COL4A5: variants seen among roughly 807,000 people sequenced by gnomAD.
COL4A5 encodes collagen type IV alpha 5 chain.
COL4A5 carries 26 observed loss-of-function variants against 130.2 expected under a neutral mutation model. The observed-to-expected ratio is 0.20, with a 90% CI of 0.15 to 0.28. COL4A5 has a LOEUF of 0.28. COL4A5 is among the 10% of genes least tolerant of loss of function. The pLI is 1.00. For missense variants in COL4A5, 1,131 were observed against 1,344.3 expected (o/e 0.84, Z 2.48); for synonymous variants, 496 against 439.6 (o/e 1.13, Z -1.60).
chrX:108,600,739 A>ACTTACAT (rs1310360285), intron 25 of COL4A5, among the ~76,000 whole-genome samples: 1 of 110,798 alleles, frequency 9.0e-6, no homozygotes, highest in Non-Finnish European at 1.9e-5. Context: ...ATGGAGGCTG[A>ACTTACAT]GAAATCCCAC....
chrX:108,503,696 A>G (rs2065100575), intron 1 of COL4A5, among the ~76,000 whole-genome samples: 1 of 112,020 alleles, frequency 8.9e-6, no homozygotes, highest in South Asian at 3.7e-4. Context: ...GAATATATTT[A>G]ACCAAAGAGG....
At chrX:108,647,976 G>A (rs973520503) in intron 36 of COL4A5, among the ~76,000 whole-genome samples, 5 of 111,151 alleles carry the variant, frequency 4.5e-5, no homozygotes, top group Non-Finnish European at 9.4e-5. Flanking sequence ...TGCTGGATTT[G>A]GTTTGCCAGT....
chrX:108,648,013 G>A (rs2147920919), intron 36 of COL4A5, among the ~76,000 whole-genome samples: 1 of 111,390 alleles, frequency 9.0e-6, no homozygotes, highest in Non-Finnish European at 1.9e-5. Context: ...TTGCATCAAT[G>A]TTCATCAAGG....
At chrX:108,563,976 G>A (rs781354226) in intron 4 of COL4A5, 50 bp downstream of exon 4, 1 of 1,016,724 alleles carries the variant, frequency 9.8e-7, no homozygotes, top group Admixed American at 2.2e-5. Context: ...GAAACAGATA[G>A]AGAACAAATG....
chrX:108,646,767 A>G (rs1164043835), intron 36 of COL4A5, among the ~76,000 whole-genome samples: 1 of 111,895 alleles, frequency 8.9e-6, no homozygotes, highest in Admixed American at 9.5e-5. Context: ...ATAACGTGTA[A>G]GGAAGGTATC....
intron 21 of COL4A5, 102 bp downstream of exon 21, chrX:108,591,746 T>G: frequency 1.6e-6 from 1 of 642,041 alleles, no homozygotes; most frequent in Non-Finnish European, 2.6e-6. Flanking sequence ...CTGACTCCCA[T>G]GGTCATACCC....
At chrX:108,667,583 G>A (rs771086577) in intron 40 of COL4A5, among the ~76,000 whole-genome samples, 7 of 108,341 alleles carry the variant, frequency 6.5e-5, no homozygotes, top group Admixed American at 9.8e-5. Context: ...ATGTGTGTGT[G>A]CACACACACA....
In COL4A5 at chrX:108,623,916, A is replaced by T. The variant is rs567244751; in HGVS notation, c.2918-320A>T. 7.2e-5 allele frequency among the ~76,000 whole-genome samples: 8 copies of T among 111,881 alleles called. No homozygotes were observed. The South Asian group carries it at 3.0e-3, about 42-fold the overall frequency. On this transcript the variant is annotated intron_variant, in intron 33 of 52. Transcript: ENST00000328300. ...TATACTTGACCTCTACTATAGGCTT[A>T]TTAAATATAGTCAGAATCTAAGAGA...
intron 29 of COL4A5, among the ~76,000 whole-genome samples, chrX:108,613,382 T>A (rs2066870709): frequency 8.9e-6 from 1 of 112,145 alleles, no homozygotes; most frequent in South Asian, 3.6e-4. Flanking sequence ...CATCCCTTGT[T>A]TTAGATGAAG....
chrX:108,675,820 T>C (rs1222092304), intron 43 of COL4A5, among the ~76,000 whole-genome samples: 2 of 111,979 alleles, frequency 1.8e-5, no homozygotes, highest in Non-Finnish European at 3.8e-5. Context: ...AAAAAGTCCT[T>C]CCATAGCTTC....
intron 1 of COL4A5, among the ~76,000 whole-genome samples, chrX:108,447,465 T>C (rs2064465471): frequency 1.8e-5 from 2 of 111,914 alleles, no homozygotes; most frequent in South Asian, 3.7e-4. Context: ...GCCCTATAGC[T>C]TGCGCAATTG....
At chrX:108,625,097 A>T (rs1053488860) in intron 34 of COL4A5, among the ~76,000 whole-genome samples, 3 of 112,060 alleles carry the variant, frequency 2.7e-5, no homozygotes, top group African/African-American at 6.5e-5. Context: ...TAAAATAAAA[A>T]AAGTTTAAGG....
At chrX:108,543,015 G>A (rs1207697237) in intron 2 of COL4A5, among the ~76,000 whole-genome samples, 15 of 110,994 alleles carry the variant, frequency 1.4e-4, no homozygotes, top group Non-Finnish European at 2.6e-4. Context: ...TTAGCCCTTT[G>A]TCAGATAATA....
At chrX:108,554,171 T>C (rs1297945920) in intron 2 of COL4A5, among the ~76,000 whole-genome samples, 2 of 111,530 alleles carry the variant, frequency 1.8e-5, no homozygotes, top group African/African-American at 6.5e-5. Context: ...TGATGATTTC[T>C]GTATTAGTCC....
chrX:108,554,070 A>C (rs1385283188), intron 2 of COL4A5, among the ~76,000 whole-genome samples: 1 of 111,465 alleles, frequency 9.0e-6, no homozygotes, highest in Non-Finnish European at 1.9e-5. Context: ...TGGGGTGGGT[A>C]GGAGTAGGGA....
intron 1 of COL4A5, among the ~76,000 whole-genome samples, chrX:108,526,587 CCCTCCCTCCTTTCTTTCTTTCTTT>C (rs1255191315): frequency 3.3e-5 from 2 of 60,515 alleles, no homozygotes; most frequent in African/African-American, 1.7e-4. Flanking sequence ...CTCCCTCCCT[CCCTCCCTCCTTTCTTTCTTTCTTT>C]CTTTCTTTCT....
rs1454925320 is a variant in COL4A5 at position 108,614,894 on chromosome X, G to A, written c.2396-17G>A. ...AGGTGTTGCTTTTAATATTTAAACT[G>A]TATTTATTTCTTAAAGGTGATGTTG... On this transcript the variant is annotated splice_polypyrimidine_tract_variant and intron_variant, in intron 29 of 52. Coordinates refer to ENST00000328300, the MANE Select transcript of COL4A5 (RefSeq NM_033380.3). 4 of 1,109,589 alleles carry A rather than the reference G, an allele frequency of 3.6e-6. No homozygotes were observed. In the Admixed American group the frequency reaches 8.7e-5, roughly 24 times the overall value. 91.4% of individuals were successfully genotyped at this position (1,109,589 alleles called of 1,213,427 possible).
At chrX:108,674,778 T>G in intron 43 of COL4A5, 25 bp downstream of exon 43, 1 of 167,097 alleles carries the variant, frequency 6.0e-6, no homozygotes, top group Non-Finnish European at 9.8e-6. Context: ...TGGTCAATTC[T>G]TTTTTTTTTT....
At chrX:108,464,276 G>A (rs1350624160) in intron 1 of COL4A5, among the ~76,000 whole-genome samples, 1 of 111,464 alleles carries the variant, frequency 9.0e-6, no homozygotes, top group Non-Finnish European at 1.9e-5. Context: ...AGAGGTATTG[G>A]CTAGACTTCA....
Sources: allele counts gnomAD v4.1 joint callset (sites outside exome capture counted in the v4.1 genomes callset), GRCh38; gene constraint gnomAD v4.1.1; transcripts MANE v1.5; gene names NCBI Gene and HGNC (gene_info 2026-07-23, HGNC 2026-07-21).